Variants in CCDC7 observed in about 807,000 individuals in gnomAD.
CCDC7 encodes the protein coiled-coil domain-containing protein 7.
In CCDC7, 183 loss-of-function variants were observed where a neutral mutation model predicts 196.9. The ratio of observed to expected loss-of-function variants is 0.93; its 90% CI spans 0.82 to 1.05. The LOEUF is 1.05. CCDC7 is among the 50% of genes least tolerant of loss of function. CCDC7 has a pLI of 0.00. For missense variants in CCDC7, 1,540 were observed against 1,482.2 expected, an observed-to-expected ratio of 1.04 and a Z score of -0.64; for synonymous variants, 525 against 484.6, an observed-to-expected ratio of 1.08 and a Z score of -1.10.
chr10:32,642,447 G>A (rs536246860), intron 20 of CCDC7, among the ~76,000 whole-genome samples: 2 of 152,348 alleles, frequency 1.3e-5, no homozygotes, highest in Admixed American at 1.3e-4. Flanking sequence ...GACCCTCCGA[G>A]CCAGGTGCGG....
chr10:32,778,866 G>T, intron 28 of CCDC7, 111 bp from the exon 30 acceptor site: 1 of 705,722 alleles, frequency 1.4e-6, no homozygotes, highest in South Asian at 1.9e-5. Flanking sequence ...CAGTGTTTTT[G>T]CAGTTCTCGT....
intron 28 of CCDC7, among the ~76,000 whole-genome samples, chr10:32,753,070 T>A (rs1297110576): frequency 1.3e-5 from 2 of 152,188 alleles, no homozygotes; most frequent in African/African-American, 4.8e-5. Context: ...CAATATGTTT[T>A]ACGTTTTTAG....
chr10:32,825,536 A>ATCTATCTATG (rs2090987124), intron 32 of CCDC7, among the ~76,000 whole-genome samples: 2 of 151,538 alleles, frequency 1.3e-5, no homozygotes, highest in East Asian at 3.9e-4. Context: ...ATCTATCTAT[A>ATCTATCTATG]TATCTATATC....
At chr10:32,557,569 T>C (rs1260869772) in intron 13 of CCDC7, among the ~76,000 whole-genome samples, 2 of 152,202 alleles carry the variant, frequency 1.3e-5, no homozygotes, top group Admixed American at 6.5e-5. Flanking sequence ...GGGTATTTTG[T>C]ATCGATATAT....
At chr10:32,698,112 TC>T (rs75662023) in intron 24 of CCDC7, among the ~76,000 whole-genome samples, 13,005 of 152,074 alleles carry the variant, frequency 0.086, 873 homozygotes, top group South Asian at 0.25. Context: ...CAGCTAAGGG[TC>T]CTGACTGTTA....
At chr10:32,762,029 T>C (rs1429132457) in intron 28 of CCDC7, among the ~76,000 whole-genome samples, 1 of 152,016 alleles carries the variant, frequency 6.6e-6, no homozygotes, top group African/African-American at 2.4e-5. Flanking sequence ...TGAAAAAATA[T>C]CCACATATTG....
chr10:32,801,473 T>G (rs2084776794), intron 29 of CCDC7, among the ~76,000 whole-genome samples: 1 of 152,244 alleles, frequency 6.6e-6, no homozygotes, highest in Non-Finnish European at 1.5e-5. Flanking sequence ...AATCAATAAA[T>G]TAAGCCTGTT....
At chr10:32,733,409 A>C (rs1404490043) in intron 28 of CCDC7, among the ~76,000 whole-genome samples, 5 of 152,250 alleles carry the variant, frequency 3.3e-5, no homozygotes, top group African/African-American at 1.2e-4. Context: ...GAGGTATTAG[A>C]TGGAGATTTT....
At chr10:32,583,623 CA>C (rs573667332) in intron 17 of CCDC7, among the ~76,000 whole-genome samples, 1 of 151,524 alleles carries the variant, frequency 6.6e-6, no homozygotes, top group African/African-American at 2.4e-5. Flanking sequence ...GCTTCATCTA[CA>C]AAAAAAATTT....
intron 8 of CCDC7, among the ~76,000 whole-genome samples, chr10:32,483,250 T>C (rs1168855009): frequency 1.3e-5 from 2 of 152,260 alleles, no homozygotes; most frequent in Non-Finnish European, 2.9e-5. Context: ...TGATGGCCAG[T>C]GATGATGAGC....
rs576414259 is a variant in CCDC7, at chr10:32,805,363, C to A, written c.3097+265C>A. ...TAGTGAGCTTAGAATATACTTGGGA[C>A]AAGTATGTTCAAAATTATTTTAGTC... On this transcript the variant is annotated intron_variant, in intron 30 of 41. Transcript: ENST00000639629. Among the ~76,000 whole-genome samples the A allele has an allele frequency of 1.4e-3, 218 of 152,228 alleles. 1 individual carries two copies. The highest frequency in any genetic ancestry group is 5.0e-3 in the African/African-American group (207 of 41,536).
downstream of CCDC7, among the ~76,000 whole-genome samples, chr10:32,877,418 G>C (rs2094627836): frequency 6.6e-6 from 1 of 152,044 alleles, no homozygotes; most frequent in Non-Finnish European, 1.5e-5. Context: ...AATTGTTATT[G>C]CAAGTTGCCG....
intron 18 of CCDC7, among the ~76,000 whole-genome samples, chr10:32,585,683 C>T (rs1160844432): frequency 3.9e-5 from 6 of 152,116 alleles, no homozygotes; most frequent in Non-Finnish European, 7.3e-5. Flanking sequence ...GCTTCATCCA[C>T]GTCCCTGCAA....
chr10:32,631,603 C>G, intron 18 of CCDC7, among the ~76,000 whole-genome samples: 1 of 150,746 alleles, frequency 6.6e-6, no homozygotes, highest in Non-Finnish European at 1.5e-5. Flanking sequence ...ATAGTTTTTT[C>G]TCATGTTTTG....
At chr10:32,850,774 A>AACAC (rs59662474) in intron 39 of CCDC7, among the ~76,000 whole-genome samples, 5,082 of 146,666 alleles carry the variant, frequency 0.035, 74 homozygotes, top group African/African-American at 0.057. Context: ...TGTCTCTGAC[A>AACAC]ACACACACAC....
intron 28 of CCDC7, among the ~76,000 whole-genome samples, chr10:32,777,127 C>G (rs1220350602): frequency 6.6e-6 from 1 of 152,140 alleles, no homozygotes; most frequent in Non-Finnish European, 1.5e-5. Flanking sequence ...GGAAGAGATG[C>G]AGTATTTGGT....
chr10:32,543,303 A>G lies in CCDC7; in HGVS notation c.997A>G (p.Thr333Ala), dbSNP rs956286739. The change falls in exon 12 of 42, where the codon ACT becomes GCT. Residue 333 changes from threonine (T) to alanine (A), a missense_variant. By Grantham distance (58) the Thr-to-Ala change is moderately conservative. Coordinates refer to ENST00000639629, the Ensembl canonical transcript of CCDC7. ...TGGCTTATGTAAAATTATACAGAAA[A>G]CTAAGCCTACAAATAATCGAACAAA... 2.8e-6 allele frequency: 4 copies of G among 1,433,552 alleles called. No individual in the cohort carries two copies. In the Admixed American group the frequency reaches 1.0e-4, roughly 37 times the overall value. The allele number at this position is 1,433,552 out of a possible 1,614,324, so 88.8% of individuals were successfully genotyped here. A position where few individuals can be genotyped will look rare whatever the true frequency, so the allele number is the denominator to read the frequency against.
At chr10:32,634,832 C>CT (rs1420900586) in intron 19 of CCDC7, among the ~76,000 whole-genome samples, 3 of 152,160 alleles carry the variant, frequency 2.0e-5, no homozygotes, top group African/African-American at 7.2e-5. Flanking sequence ...AAAGTGAAAG[C>CT]TTTAATACCT....
Position 32,636,917 on chromosome 10 carries a change from C to A in CCDC7, c.2014+1759C>A, listed in dbSNP as rs1270744166. Among the ~76,000 whole-genome samples the A allele has an allele frequency of 2.0e-5, 3 of 152,154 alleles. No homozygotes were observed. The East Asian group carries it at 5.8e-4, about 29-fold the overall frequency. On this transcript the variant is annotated intron_variant, in intron 20 of 41. Transcript: ENST00000639629. ...TGTTTCCTGACTTTTTAATGATCGC[C>A]ATTCTAACTGGTGTGAGATGGTATC...
Sources: gnomAD v4.1 joint callset for allele counts (sites outside exome capture counted in the v4.1 genomes callset) on GRCh38, gnomAD v4.1.1 for gene constraint, MANE v1.5 for transcripts, NCBI Gene and HGNC (gene_info 2026-07-23, HGNC 2026-07-21) for gene names.